CCDC120: variants seen among roughly 807,000 people sequenced by gnomAD.
CCDC120 encodes coiled-coil domain containing 120, also known as coiled-coil domain-containing protein 120.
Under a neutral mutation model 37.6 loss-of-function variants are expected in CCDC120, and 16 were observed. That is an observed-to-expected ratio of 0.43 (90% CI 0.29 to 0.65). The LOEUF is 0.65. Among genes scored for constraint, CCDC120 ranks in the 30% least tolerant of loss-of-function variants. The pLI, the probability that CCDC120 is intolerant of heterozygous loss-of-function variation, is 0.18. For missense variants in CCDC120, 650 were observed against 657.4 expected (o/e 0.99, Z 0.12); for synonymous variants, 309 against 275.4 (o/e 1.12, Z -1.21).
chrX:49,061,968 G>T lies in CCDC120; in HGVS notation c.-74G>T. 1 of 1,136,441 alleles carries T rather than the reference G, an allele frequency of 8.8e-7. No homozygotes were observed. Among genetic ancestry groups the T allele is most frequent in the South Asian group, 2.0e-5 (1 of 49,616 alleles). 93.7% of individuals were successfully genotyped at this position (1,136,441 alleles called of 1,213,427 possible). On this transcript the variant is annotated 5_prime_UTR_variant, in exon 2 of 11. Transcript: ENST00000603986. ...AATTCTCCTTCCCCAGGCAAGACTCGTGGCTGTGACCCATGGGCCTCTGAG... is the reference window on the plus strand; with the variant it reads ...AATTCTCCTTCCCCAGGCAAGACTCTTGGCTGTGACCCATGGGCCTCTGAG...
At chrX:49,058,082 A>C (rs1268871865), upstream of CCDC120, among the ~76,000 whole-genome samples, 1 of 111,288 alleles carries the variant, frequency 9.0e-6, no homozygotes, top group African/African-American at 3.3e-5. Context: ...GCCCCCGGAA[A>C]TTCTGATTTC....
chrX:49,057,264 G>A (rs898109339), upstream of CCDC120, among the ~76,000 whole-genome samples: 2 of 112,349 alleles, frequency 1.8e-5, no homozygotes, highest in Non-Finnish European at 3.8e-5. Context: ...ATTGTTGTTA[G>A]TAAGAGTCAT....
At chrX:49,064,963 C>G in intron 6 of CCDC120, 73 bp from the exon 7 acceptor site, 1 of 1,071,515 alleles carries the variant, frequency 9.3e-7, no homozygotes, top group South Asian at 1.9e-5. Context: ...GTAGAGGTGC[C>G]CACCCAGTGG....
At position 49,064,007 on chromosome X, in the gene CCDC120, C is replaced by T. The variant is rs782297537; in HGVS notation, c.429+6C>T. ...ACTCCTTGTGCCCTGCTGAGGTGAG[C>T]AGATGGGTGTGGAGAGCAAGAGGGT... On this transcript the variant is annotated splice_donor_region_variant and intron_variant, in intron 5 of 10. Coordinates refer to ENST00000603986, the MANE Select transcript of CCDC120 (RefSeq NM_001163321.4). 3.4e-6 allele frequency: 4 copies of T among 1,192,985 alleles called. No individual in the cohort carries two copies. The Admixed American group carries it at 9.1e-5, about 27-fold the overall frequency.
Position 49,068,789 on chromosome X carries a change from C to A in CCDC120, c.*131C>A. ...AGTGCGCCAACCTAATCTTCCAAGGCCCCTGGCTCCCCGTAGGCCCAGGAA... is the reference window on the plus strand; with the variant it reads ...AGTGCGCCAACCTAATCTTCCAAGGACCCTGGCTCCCCGTAGGCCCAGGAA... On this transcript the variant is annotated 3_prime_UTR_variant, in exon 11 of 11. Coordinates refer to ENST00000603986, the MANE Select transcript of CCDC120 (RefSeq NM_001163321.4). 1.6e-6 allele frequency: 1 copy of A among 617,404 alleles called. No individual in the cohort carries two copies. Among genetic ancestry groups the A allele is most frequent in the Non-Finnish European group, 2.2e-6 (1 of 457,825 alleles). The allele number at this position is 617,404 out of a possible 1,213,427, so 50.9% of individuals were successfully genotyped here.
intron 1 of CCDC120, among the ~76,000 whole-genome samples, chrX:49,061,389 C>T (rs2064884117): frequency 8.9e-6 from 1 of 112,325 alleles, no homozygotes; most frequent in Non-Finnish European, 1.9e-5. Context: ...CTTACTCTAT[C>T]TTTTATTCAT....
intron 10 of CCDC120, 141 bp from the exon 11 acceptor site, chrX:49,068,403 C>T: frequency 9.5e-7 from 1 of 1,051,770 alleles, no homozygotes; most frequent in Non-Finnish European, 1.2e-6. Flanking sequence ...CTCCATGCCC[C>T]AGAGCCTGAA....
Position 49,069,676 on chromosome X carries a change from C to G in CCDC120, c.*1018C>G, listed in dbSNP as rs782457102. On this transcript the variant is annotated 3_prime_UTR_variant, in exon 11 of 11. Transcript: ENST00000603986. ...CACTGCACCCAGCCCCAATCCACCA[C>G]TTTTTAAGCAAACCCACACAAGTTG... 1 of 112,621 alleles carries G rather than the reference C, an allele frequency of 8.9e-6. No individual in the cohort carries two copies. Among genetic ancestry groups the G allele is most frequent in the South Asian group, 3.6e-4 (1 of 2,769 alleles). The allele number at this position is 112,621 out of a possible 1,213,427, so 9.3% of individuals were successfully genotyped here.
intron 4 of CCDC120, among the ~76,000 whole-genome samples, chrX:49,062,842 C>T (rs1275132383): frequency 9.1e-6 from 1 of 110,484 alleles, no homozygotes; most frequent in Non-Finnish European, 1.9e-5. Context: ...GGTGGATCAC[C>T]TGAGGTCGGG....
intron 8 of CCDC120, 50 bp from the exon 9 acceptor site, chrX:49,065,697 G>T (rs1430310976): frequency 3.4e-6 from 4 of 1,186,519 alleles, no homozygotes; most frequent in Non-Finnish European, 3.4e-6. Flanking sequence ...CTGGCAGAGG[G>T]TCTGCTGGTG....
At chrX:49,065,167 C>G in intron 7 of CCDC120, 69 bp downstream of exon 7, 1 of 1,030,771 alleles carries the variant, frequency 9.7e-7, no homozygotes, top group Non-Finnish European at 1.4e-6. Context: ...CTTTATTCAT[C>G]CGACCACATC....
In CCDC120 at chrX:49,068,562, G is replaced by A; in HGVS notation, c.1995G>A (p.Leu665=). The change falls in exon 11 of 11, where the codon CTG becomes CTA. Residue 665 remains leucine, a synonymous_variant. Transcript: ENST00000603986. ...PVSGRYYADF[L]YPPELSARLS... is the part of the protein sequence containing the mutation. ...TCTAAAGATACTACGCGGACTTCCT[G>A]TATCCCCCGGAGCTGAGCGCTCGTT... 8.7e-6 allele frequency: 10 copies of A among 1,148,245 alleles called. No homozygotes were observed. Among genetic ancestry groups the A allele is most frequent in the Non-Finnish European group, 1.2e-5 (10 of 863,546 alleles). 94.6% of individuals were successfully genotyped at this position (1,148,245 alleles called of 1,213,427 possible).
chrX:49,055,862 C>T (rs1187568806), upstream of CCDC120, among the ~76,000 whole-genome samples: 1 of 111,803 alleles, frequency 8.9e-6, no homozygotes, highest in Admixed American at 9.5e-5. Context: ...GGAGAGTGCC[C>T]GAAGTTCAGA....
chrX:49,063,734 G>A, intron 4 of CCDC120, 127 bp from the exon 5 acceptor site: 1 of 674,948 alleles, frequency 1.5e-6, no homozygotes, highest in Non-Finnish European at 2.2e-6. Context: ...AGGGAGGGGA[G>A]TATCGTGCGT....
At chrX:49,063,545 C>T (rs1433334633) in intron 4 of CCDC120, among the ~76,000 whole-genome samples, 1 of 110,933 alleles carries the variant, frequency 9.0e-6, no homozygotes, top group Non-Finnish European at 1.9e-5. Context: ...CAGCTCAGAC[C>T]ACGCAGCCAC....
At chrX:49,058,234 A>G (rs938241585), upstream of CCDC120, among the ~76,000 whole-genome samples, 3 of 111,987 alleles carry the variant, frequency 2.7e-5, no homozygotes, top group Non-Finnish European at 1.9e-5. Flanking sequence ...ATCAAAACCC[A>G]TAAGTGTTTT....
At position 49,064,498 on chromosome X, in the gene CCDC120, A is replaced by C. The variant is rs1187044912; in HGVS notation, c.558A>C (p.Ala186=). The change falls in exon 6 of 11, where the codon GCA becomes GCC. Residue 186 remains alanine, a synonymous_variant. Coordinates refer to ENST00000603986, the MANE Select transcript of CCDC120 (RefSeq NM_001163321.4). Reference sequence around the variant, plus strand: ...GCCGGCGCCGGCGCCAGGTCCAGGCAGATGCACTGAGGAGGCTGCATGAGC... The same window carrying C: ...GCCGGCGCCGGCGCCAGGTCCAGGCCGATGCACTGAGGAGGCTGCATGAGC... ...EQRRRRRQVQ[A]DALRRLHELE... The C allele has an allele frequency of 8.5e-7, 1 of 1,182,879 alleles. No homozygotes were observed. The highest frequency in any genetic ancestry group is 2.4e-5 in the Admixed American group (1 of 42,020).
chrX:49,058,713 G>T (rs1265833873), upstream of CCDC120, among the ~76,000 whole-genome samples: 1 of 112,463 alleles, frequency 8.9e-6, no homozygotes, highest in Non-Finnish European at 1.9e-5. Context: ...GTAGAGATGG[G>T]GGTCTCATTA....
chrX:49,056,917 GC>G (rs2064834916), upstream of CCDC120, among the ~76,000 whole-genome samples: 1 of 111,915 alleles, frequency 8.9e-6, no homozygotes, highest in African/African-American at 3.2e-5. Flanking sequence ...GCTCACAATA[GC>G]CCCGTGAGGT....
Sources: allele counts gnomAD v4.1 joint callset (sites outside exome capture counted in the v4.1 genomes callset), GRCh38; gene constraint gnomAD v4.1.1; transcripts MANE v1.5; gene names NCBI Gene and HGNC (gene_info 2026-07-23, HGNC 2026-07-21).